PPFIBP1: variants seen among roughly 807,000 people sequenced by gnomAD.
PPFIBP1 encodes the protein liprin-beta-1.
Under a neutral mutation model 137.8 loss-of-function variants are expected in PPFIBP1, and 112 were observed. That is an observed-to-expected ratio of 0.81 (90% confidence interval 0.70 to 0.95). PPFIBP1 has a LOEUF of 0.95. PPFIBP1 is among the 40% of genes least tolerant of loss of function. The pLI is 0.00. For synonymous variants in PPFIBP1, 378 were observed against 417.3 expected (o/e 0.91, Z 1.15); for missense variants, 1,083 against 1,196.6 (o/e 0.91, Z 1.40).
At chr12:27,672,535 G>A in intron 15 of PPFIBP1, 52 bp downstream of exon 15, 1 of 1,363,358 alleles carries the variant, frequency 7.3e-7, no homozygotes, top group Non-Finnish European at 1.0e-6. Context: ...TAGAGAAAGA[G>A]AGTTCTGTTA....
intron 17 of PPFIBP1, among the ~76,000 whole-genome samples, chr12:27,674,811 A>ATTTTTTTTTTTTTTTT (rs72418237): frequency 9.2e-6 from 1 of 108,706 alleles, no homozygotes; most frequent in Non-Finnish European, 1.8e-5. Context: ...CTTTCCCCTG[A>ATTTTTTTTTTTTTTTT]TTTTTTTTTT....
intron 11 of PPFIBP1, among the ~76,000 whole-genome samples, 176 bp from the exon 12 acceptor site, chr12:27,664,186 G>T (rs1274538615): frequency 1.3e-5 from 2 of 152,138 alleles, no homozygotes; most frequent in African/African-American, 2.4e-5. Flanking sequence ...AAGCTTAGAA[G>T]TATTCTTTAA....
intron 1 of PPFIBP1, among the ~76,000 whole-genome samples, chr12:27,541,154 T>A (rs1287665403): frequency 2.6e-5 from 4 of 151,976 alleles, no homozygotes; most frequent in Non-Finnish European, 4.4e-5. Flanking sequence ...TATCCCAAAG[T>A]AGGGTATCAC....
intron 8 of PPFIBP1, among the ~76,000 whole-genome samples, chr12:27,655,592 T>A (rs533891387): frequency 5.2e-4 from 79 of 152,292 alleles, no homozygotes; most frequent in African/African-American, 1.9e-3. Context: ...TTCTTGATGG[T>A]AAATGTACAG....
chr12:27,617,615 C>T (rs771069069), intron 2 of PPFIBP1, among the ~76,000 whole-genome samples: 8 of 152,142 alleles, frequency 5.3e-5, no homozygotes, highest in Non-Finnish European at 8.8e-5. Flanking sequence ...CACATCCTCC[C>T]GTATATGTTA....
intron 1 of PPFIBP1, among the ~76,000 whole-genome samples, chr12:27,557,238 A>AT (rs4035629): frequency 0.94 from 133,732 of 142,114 alleles, 62,938 homozygotes; most frequent in East Asian, 0.99. Context: ...CATGGTAACA[A>AT]TTTTTTTTTT....
chr12:27,602,888 A>G (rs932804023), intron 2 of PPFIBP1, among the ~76,000 whole-genome samples: 2 of 152,252 alleles, frequency 1.3e-5, no homozygotes, highest in African/African-American at 4.8e-5. Context: ...CCTTTCCAGT[A>G]GAAATTGCAG....
At position 27,691,910 on chromosome 12, in the gene PPFIBP1, T is replaced by C. The variant is rs2061569751; in HGVS notation, c.2847T>C (p.Asp949=). ...ATATGCGCCTGTATGAGGAAGATGA[T>C]TTGGACCGGTTAGAGCAGGTAAATC... ...GLDMRLYEED[D]LDRLEQMEDS... Residue 949 remains aspartate, a synonymous_variant, in exon 28 of 30, where the codon GAT becomes GAC. Coordinates refer to ENST00000228425, the MANE Select transcript of PPFIBP1 (RefSeq NM_003622.4). The C allele has an allele frequency of 6.2e-7, 1 of 1,611,978 alleles. No homozygotes were observed. Among genetic ancestry groups the C allele is most frequent in the Admixed American group, 1.7e-5 (1 of 59,574 alleles).
intron 1 of PPFIBP1, among the ~76,000 whole-genome samples, chr12:27,567,724 A>C (rs146506594): frequency 6.6e-6 from 1 of 152,306 alleles, no homozygotes; most frequent in Non-Finnish European, 1.5e-5. Flanking sequence ...AATCCAACTT[A>C]AGCAATAAAT....
chr12:27,568,080 C>T lies in PPFIBP1; in HGVS notation c.-123-10072C>T, dbSNP rs79104075. On this transcript the variant is annotated intron_variant, in intron 1 of 29. Transcript: ENST00000228425. ...GCAACGGGAAAAGAATAAAATTTGCCTTTAATCTAACTCATCTTTCCTCTT... is the reference window on the plus strand; with the variant it reads ...GCAACGGGAAAAGAATAAAATTTGCTTTTAATCTAACTCATCTTTCCTCTT... Among the ~76,000 whole-genome samples, 1,032 of 152,234 alleles carry T rather than the reference C, an allele frequency of 6.8e-3. 15 individuals are homozygous for T. Among genetic ancestry groups the T allele is most frequent in the African/African-American group, 0.024 (983 of 41,528 alleles).
intron 16 of PPFIBP1, 147 bp downstream of exon 16, chr12:27,673,974 G>A (rs916897028): frequency 3.7e-6 from 3 of 819,120 alleles, no homozygotes; most frequent in South Asian, 1.8e-5. Context: ...AGGTTTAACA[G>A]TAAATATTAA....
At chr12:27,547,812 C>T (rs1051556192) in intron 1 of PPFIBP1, 1 of 152,236 alleles carries the variant, frequency 6.6e-6, no homozygotes, top group African/African-American at 2.4e-5. Context: ...TTGGGTGAGG[C>T]TGTGTCCTGC....
In PPFIBP1 at chr12:27,633,228, C is replaced by G. The variant is rs138952572; in HGVS notation, c.-35-134C>G. ...TGCTACAGTAGGTGATTGGCCACAG[C>G]TTGCTACTCCACTACTGAAGTTCTT... On this transcript the variant is annotated intron_variant, in intron 2 of 29. Transcript: ENST00000228425. 6,425 of 625,478 alleles carry G rather than the reference C, an allele frequency of 0.01. 313 individuals carry two copies. The African/African-American group carries it at 0.11, about 10-fold the overall frequency. 38.7% of individuals were successfully genotyped at this position (625,478 alleles called of 1,614,324 possible). A position where few individuals can be genotyped will look rare whatever the true frequency, so the allele number is the denominator to read the frequency against.
chr12:27,672,606 A>G, intron 15 of PPFIBP1, 123 bp downstream of exon 15: 1 of 741,728 alleles, frequency 1.3e-6, no homozygotes, highest in Non-Finnish European at 2.3e-6. Flanking sequence ...TGAATAAATC[A>G]ATGTAGCTAT....
At chr12:27,578,776 A>C (rs1341578521) in intron 2 of PPFIBP1, among the ~76,000 whole-genome samples, 4 of 152,238 alleles carry the variant, frequency 2.6e-5, no homozygotes, top group African/African-American at 9.6e-5. Flanking sequence ...TTCCATGTTC[A>C]TTCTACAAAT....
chr12:27,579,893 T>C (rs2050923732), intron 2 of PPFIBP1, among the ~76,000 whole-genome samples: 1 of 152,180 alleles, frequency 6.6e-6, no homozygotes, highest in African/African-American at 2.4e-5. Context: ...TCTTGTGGGG[T>C]GTGGCCAGGT....
rs2061659436 is a variant in PPFIBP1, at chr12:27,693,494, T to C, written c.*612T>C. ...CAATCTGGTGATCAGAATGTTCATA[T>C]ACCAGCTGGTTTCTGAAGAGGTCAG... On this transcript the variant is annotated 3_prime_UTR_variant, in exon 30 of 30. Transcript: ENST00000228425. 6.6e-6 allele frequency: 1 copy of C among 152,218 alleles called. No homozygotes were observed. The highest frequency in any genetic ancestry group is 2.1e-4 in the South Asian group (1 of 4,830). The allele number at this position is 152,218 out of a possible 1,614,324, so 9.4% of individuals were successfully genotyped here.
At chr12:27,540,906 A>G (rs75627434) in intron 1 of PPFIBP1, among the ~76,000 whole-genome samples, 1,979 of 152,278 alleles carry the variant, frequency 0.013, 44 homozygotes, top group African/African-American at 0.045. Context: ...TAGTTCGTGT[A>G]TTTCACTTAT....
At chr12:27,687,783 A>G (rs978924652) in intron 25 of PPFIBP1, among the ~76,000 whole-genome samples, 7 of 152,148 alleles carry the variant, frequency 4.6e-5, no homozygotes, top group African/African-American at 1.4e-4. Context: ...AAATATCACT[A>G]TAAAGACTTC....
Sources: allele counts gnomAD v4.1 joint callset (sites outside exome capture counted in the v4.1 genomes callset), GRCh38; gene constraint gnomAD v4.1.1; transcripts MANE v1.5; gene names NCBI Gene and HGNC (gene_info 2026-07-23, HGNC 2026-07-21).